Variants in DIPK2B observed in about 807,000 individuals in gnomAD.
DIPK2B encodes UPF0672 protein CXorf36.
A neutral mutation model predicts 22.2 loss-of-function variants in DIPK2B; 15 were observed. That is an observed-to-expected ratio of 0.68 (90% confidence interval 0.45 to 1.04). The LOEUF (loss-of-function observed/expected upper bound fraction) is 1.04, where lower values mean the gene tolerates loss of function less well. Ranked by LOEUF, DIPK2B falls within the 50% of genes least tolerant of loss-of-function variation. DIPK2B has a pLI of 0.00. For synonymous variants in DIPK2B, 163 were observed against 153.2 expected, an observed-to-expected ratio of 1.06 and a Z score of -0.47; for missense variants, 345 against 348.3, an observed-to-expected ratio of 0.99 and a Z score of 0.08.
chrX:45,170,469 G>A (rs1191305451), intron 2 of DIPK2B, among the ~76,000 whole-genome samples: 1 of 111,905 alleles, frequency 8.9e-6, no homozygotes, highest in Non-Finnish European at 1.9e-5. Flanking sequence ...GTGATGCTTT[G>A]TAAATACCAT....
chrX:45,164,181 C>T (rs1183212843), intron 2 of DIPK2B: 1 of 1,191,998 alleles, frequency 8.4e-7, no homozygotes, highest in African/African-American at 1.8e-5. Context: ...GGCTCCATGC[C>T]AGGCTTTTTC....
At chrX:45,168,626 GAGA>G (rs1461628847) in intron 2 of DIPK2B, among the ~76,000 whole-genome samples, 2 of 112,332 alleles carry the variant, frequency 1.8e-5, no homozygotes, top group Non-Finnish European at 3.8e-5. Context: ...GAAGGCTTGA[GAGA>G]AGTTCTGTTT....
At chrX:45,196,703 C>A (rs2047240904) in intron 1 of DIPK2B, among the ~76,000 whole-genome samples, 1 of 110,612 alleles carries the variant, frequency 9.0e-6, no homozygotes, top group Non-Finnish European at 1.9e-5. Context: ...CTCTCCACCC[C>A]CACACCCTGC....
intron 1 of DIPK2B, among the ~76,000 whole-genome samples, chrX:45,193,409 G>A (rs2047222379): frequency 8.9e-6 from 1 of 111,884 alleles, no homozygotes; most frequent in Admixed American, 9.5e-5. Context: ...ATTTTGATTA[G>A]ACCCAAACCC....
At chrX:45,173,364 G>T (rs918314515) in intron 2 of DIPK2B, among the ~76,000 whole-genome samples, 12 of 110,334 alleles carry the variant, frequency 1.1e-4, no homozygotes, top group African/African-American at 3.6e-4. Flanking sequence ...CAGCTTCTGG[G>T]CCAGGTATTG....
chrX:45,189,097 TC>T (rs1460933015), intron 2 of DIPK2B, among the ~76,000 whole-genome samples: 6 of 112,264 alleles, frequency 5.3e-5, no homozygotes, highest in Admixed American at 2.8e-4. Context: ...CTCACCATGG[TC>T]CCCAGGCTCA....
At chrX:45,182,783 A>G (rs2047162222) in intron 2 of DIPK2B, among the ~76,000 whole-genome samples, 1 of 113,018 alleles carries the variant, frequency 8.8e-6, no homozygotes, top group Non-Finnish European at 1.9e-5. Context: ...TTCCATTTAA[A>G]TGAAGTTCAA....
At chrX:45,177,371 G>A (rs1399848100) in intron 2 of DIPK2B, among the ~76,000 whole-genome samples, 1 of 110,616 alleles carries the variant, frequency 9.0e-6, no homozygotes, top group African/African-American at 3.3e-5. Context: ...CTCATGGGAG[G>A]TGTTTGGGTC....
intron 2 of DIPK2B, among the ~76,000 whole-genome samples, chrX:45,178,905 C>T (rs1270888705): frequency 9.0e-6 from 1 of 111,610 alleles, no homozygotes; most frequent in Non-Finnish European, 1.9e-5. Context: ...GGCTTTCAAT[C>T]GGACCTCAGA....
At chrX:45,171,735 A>G (rs1161150402) in intron 2 of DIPK2B, among the ~76,000 whole-genome samples, 1 of 111,396 alleles carries the variant, frequency 9.0e-6, no homozygotes, top group African/African-American at 3.3e-5. Context: ...TCCAGCTCCC[A>G]TTTTCTTCCT....
intron 2 of DIPK2B, among the ~76,000 whole-genome samples, chrX:45,177,641 C>T (rs149496175): frequency 0.017 from 1,944 of 111,104 alleles, 45 homozygotes; most frequent in African/African-American, 0.06. Context: ...CAAAATAAAC[C>T]TCTTTTCTTT....
intron 3 of DIPK2B, among the ~76,000 whole-genome samples, chrX:45,156,038 C>T (rs947504683): frequency 1.1e-5 from 1 of 93,237 alleles, no homozygotes; most frequent in Non-Finnish European, 2.0e-5. Context: ...GTGATCTTGG[C>T]TCACTGCAAC....
chrX:45,191,746 C>A lies in DIPK2B; in HGVS notation c.498+5G>T, dbSNP rs756523280. Reference sequence around the variant, plus strand: ...ACACCCCCTTCCCATGGCCTTCACACTCACCTGCACCAGGTCCGGCGTGAG... The same window carrying A: ...ACACCCCCTTCCCATGGCCTTCACAATCACCTGCACCAGGTCCGGCGTGAG... On this transcript the variant is annotated splice_donor_5th_base_variant and intron_variant, in intron 2 of 4. Transcript: ENST00000398000. 8.3e-7 allele frequency: 1 copy of A among 1,209,094 alleles called. No homozygotes were observed. The highest frequency in any genetic ancestry group is 1.1e-6 in the Non-Finnish European group (1 of 894,541).
At chrX:45,153,658 C>CTTCTCATGGACAAG (rs1395390935) in intron 4 of DIPK2B, among the ~76,000 whole-genome samples, 2 of 110,490 alleles carry the variant, frequency 1.8e-5, no homozygotes, top group Non-Finnish European at 3.8e-5. Context: ...TGGGGCTGTG[C>CTTCTCATGGACAAG]CACTATGCAC....
chrX:45,176,600 C>T lies in DIPK2B; in HGVS notation c.498+15151G>A, dbSNP rs369897736. On this transcript the variant is annotated intron_variant, in intron 2 of 4. Coordinates refer to ENST00000398000, the MANE Select transcript of DIPK2B (RefSeq NM_176819.4). ...GGCTCTAGATGCAGGGTAAGCCTTC[C>T]GAGAAGGTTATTGGTGGGGAGACAG... Among the ~76,000 whole-genome samples the T allele has an allele frequency of 1.1e-4, 12 of 111,771 alleles. No individual in the cohort carries two copies. The East Asian group carries it at 1.4e-3, about 13-fold the overall frequency.
At chrX:45,154,690 T>C (rs1386314928) in intron 3 of DIPK2B, among the ~76,000 whole-genome samples, 2 of 112,251 alleles carry the variant, frequency 1.8e-5, no homozygotes, top group Non-Finnish European at 3.8e-5. Flanking sequence ...CAGGGAAATA[T>C]GTTTAAGAGT....
At chrX:45,195,226 C>T (rs761583368) in intron 1 of DIPK2B, among the ~76,000 whole-genome samples, 172 of 112,124 alleles carry the variant, frequency 1.5e-3, no homozygotes, top group Non-Finnish European at 2.8e-3. Flanking sequence ...TGGACAACCA[C>T]AAAACAGAGA....
chrX:45,156,502 C>T (rs930940176), intron 3 of DIPK2B, among the ~76,000 whole-genome samples: 3 of 111,884 alleles, frequency 2.7e-5, no homozygotes, highest in African/African-American at 9.7e-5. Flanking sequence ...CAGGACAACC[C>T]GCAATTCCTT....
chrX:45,193,615 A>G (rs1426095433), intron 1 of DIPK2B, among the ~76,000 whole-genome samples: 2 of 110,831 alleles, frequency 1.8e-5, no homozygotes, highest in African/African-American at 6.8e-5. Flanking sequence ...AGCCTCTCAC[A>G]TCTGGGAAGG....
Sources: allele counts gnomAD v4.1 joint callset (sites outside exome capture counted in the v4.1 genomes callset), GRCh38; gene constraint gnomAD v4.1.1; transcripts MANE v1.5; gene names NCBI Gene and HGNC (gene_info 2026-07-23, HGNC 2026-07-21).